Variants in ARHGAP10 observed in about 807,000 individuals in gnomAD.
The protein encoded by ARHGAP10 is Rho GTPase activating protein 10.
Under a neutral mutation model 108.6 loss-of-function variants are expected in ARHGAP10, and 87 were observed. That is an observed-to-expected ratio of 0.80 (90% CI 0.67 to 0.96). The LOEUF is 0.96. Ranked by LOEUF, ARHGAP10 falls within the 40% of genes least tolerant of loss-of-function variation. ARHGAP10 has a pLI of 0.00. For synonymous variants in ARHGAP10, 347 were observed against 341.1 expected (o/e 1.02, Z -0.19); for missense variants, 939 against 954.5 (o/e 0.98, Z 0.21).
chr4:147,896,461 T>A (rs1197433267), intron 10 of ARHGAP10, among the ~76,000 whole-genome samples: 1 of 152,202 alleles, frequency 6.6e-6, no homozygotes, highest in African/African-American at 2.4e-5. Context: ...CTCTAAATTG[T>A]TGACTTTATT....
chr4:147,981,851 A>G (rs928117536), intron 18 of ARHGAP10, among the ~76,000 whole-genome samples: 2 of 152,034 alleles, frequency 1.3e-5, no homozygotes, highest in African/African-American at 4.8e-5. Context: ...TTTAAAGTCT[A>G]TATTTTCTGA....
chr4:148,068,064 C>T (rs1246816435), intron 22 of ARHGAP10, among the ~76,000 whole-genome samples: 1 of 151,852 alleles, frequency 6.6e-6, no homozygotes, highest in Non-Finnish European at 1.5e-5. Flanking sequence ...AGGGACCTTT[C>T]CCTTTTCTCT....
At chr4:147,755,034 A>T (rs114771338) in intron 1 of ARHGAP10, among the ~76,000 whole-genome samples, 3,506 of 151,906 alleles carry the variant, frequency 0.023, 56 homozygotes, top group South Asian at 0.036. Context: ...GTGAACCGAG[A>T]CTGCGCAGTT....
intron 1 of ARHGAP10, among the ~76,000 whole-genome samples, chr4:147,749,948 G>A (rs1252131203): frequency 2.6e-5 from 4 of 152,216 alleles, no homozygotes; most frequent in Non-Finnish European, 5.9e-5. Context: ...CTTAACCACA[G>A]CGAACAGTGT....
chr4:147,984,415 T>C (rs1057465501), intron 18 of ARHGAP10, among the ~76,000 whole-genome samples: 4 of 152,224 alleles, frequency 2.6e-5, no homozygotes, highest in Admixed American at 6.5e-5. Flanking sequence ...CTCTCCATGT[T>C]CGTTCCAGGG....
intron 12 of ARHGAP10, among the ~76,000 whole-genome samples, chr4:147,912,008 T>TAC (rs1736762616): frequency 7.6e-6 from 1 of 131,732 alleles, no homozygotes; most frequent in Non-Finnish European, 1.8e-5. Flanking sequence ...TGTGTGTGTG[T>TAC]GTGTGTGTGT....
intron 4 of ARHGAP10, among the ~76,000 whole-genome samples, chr4:147,856,908 A>C (rs768812046): frequency 1.8e-4 from 28 of 152,174 alleles, no homozygotes; most frequent in Non-Finnish European, 3.5e-4. Context: ...GCTGGAGTGC[A>C]GTGGTGTGAT....
chr4:147,903,333 ACAGT>A (rs1280730241), intron 10 of ARHGAP10, among the ~76,000 whole-genome samples: 1 of 152,216 alleles, frequency 6.6e-6, no homozygotes, highest in Admixed American at 6.5e-5. Context: ...TTTTCAGTTC[ACAGT>A]CAGAAGAGGA....
chr4:147,775,781 G>A lies in ARHGAP10; in HGVS notation c.154+43326G>A, dbSNP rs148267526. The stretch of plus-strand genomic sequence containing the variant: ...TTGCACAGAATTATGGTATAAAACA[G>A]CATGTATGCAGCACATCTGGATAGT... On this transcript the variant is annotated intron_variant, in intron 1 of 22. Coordinates refer to ENST00000336498, the MANE Select transcript of ARHGAP10 (RefSeq NM_024605.4). Among the ~76,000 whole-genome samples the A allele has an allele frequency of 5.4e-3, 829 of 152,254 alleles. 11 individuals are homozygous for A. The highest frequency in any genetic ancestry group is 0.018 in the African/African-American group (768 of 41,542).
intron 19 of ARHGAP10, among the ~76,000 whole-genome samples, chr4:148,035,121 G>A (rs895569652): frequency 2.6e-5 from 4 of 152,008 alleles, no homozygotes; most frequent in Non-Finnish European, 1.5e-5. Flanking sequence ...TTTATAATGG[G>A]GTCTTTATTT....
At chr4:148,035,503 T>G (rs1728337766) in intron 19 of ARHGAP10, among the ~76,000 whole-genome samples, 1 of 152,226 alleles carries the variant, frequency 6.6e-6, no homozygotes, top group African/African-American at 2.4e-5. Context: ...CCAAGTGAAT[T>G]ATTATCTAGC....
At chr4:147,836,918 ATTG>A (rs917069936) in intron 3 of ARHGAP10, among the ~76,000 whole-genome samples, 1 of 152,122 alleles carries the variant, frequency 6.6e-6, no homozygotes, top group African/African-American at 2.4e-5. Flanking sequence ...ACAAAAGGAA[ATTG>A]TTATTTTCTG....
chr4:148,033,933 A>G (rs1485277369), intron 19 of ARHGAP10, among the ~76,000 whole-genome samples: 5 of 152,176 alleles, frequency 3.3e-5, no homozygotes, highest in Non-Finnish European at 7.4e-5. Context: ...ATTACTGGAA[A>G]TACTTAGGCA....
chr4:147,875,262 C>A (rs1028214830), intron 8 of ARHGAP10, 112 bp downstream of exon 8: 8 of 1,188,768 alleles, frequency 6.7e-6, no homozygotes, highest in Non-Finnish European at 9.1e-6. Flanking sequence ...CTACCTCTTT[C>A]TCTCCCTGCT....
At chr4:147,863,642 T>C (rs917586754) in intron 5 of ARHGAP10, 47 of 152,138 alleles carry the variant, frequency 3.1e-4, no homozygotes, top group Admixed American at 2.7e-3. Context: ...CTATTTTTCA[T>C]TTGAGGGAAA....
At chr4:148,003,105 G>A (rs1310973417) in intron 18 of ARHGAP10, among the ~76,000 whole-genome samples, 1 of 152,128 alleles carries the variant, frequency 6.6e-6, no homozygotes, top group African/African-American at 2.4e-5. Flanking sequence ...AGAGATTCTG[G>A]TATGCTGTGT....
At chr4:148,027,558 A>G (rs1727928839) in intron 19 of ARHGAP10, among the ~76,000 whole-genome samples, 1 of 152,238 alleles carries the variant, frequency 6.6e-6, no homozygotes, top group Non-Finnish European at 1.5e-5. Context: ...TGGATAAACA[A>G]TGACACGTGA....
intron 13 of ARHGAP10, among the ~76,000 whole-genome samples, chr4:147,924,445 A>G (rs1737374211): frequency 6.6e-6 from 1 of 152,192 alleles, no homozygotes; most frequent in Non-Finnish European, 1.5e-5. Flanking sequence ...GAAAATTAAT[A>G]GGACTTTATT....
chr4:147,837,018 G>A (rs912413984), intron 3 of ARHGAP10, among the ~76,000 whole-genome samples: 9 of 152,152 alleles, frequency 5.9e-5, no homozygotes, highest in Admixed American at 2.6e-4. Flanking sequence ...CCCTCGTAGC[G>A]AAATCGATTG....
Sources: allele counts gnomAD v4.1 joint callset (sites outside exome capture counted in the v4.1 genomes callset), GRCh38; gene constraint gnomAD v4.1.1; transcripts MANE v1.5; gene names NCBI Gene and HGNC (gene_info 2026-07-23, HGNC 2026-07-21).